Variants in PPFIA2 observed in about 807,000 individuals in gnomAD.
The protein encoded by PPFIA2 is PPFI scaffold protein A2, also known as liprin-alpha-2.
PPFIA2 carries 46 observed loss-of-function variants against 175.5 expected under a neutral mutation model. That is an observed-to-expected ratio of 0.26 (90% CI 0.21 to 0.34). The LOEUF is 0.34. PPFIA2 is among the 10% of genes least tolerant of loss of function. The pLI is 1.00. For missense variants in PPFIA2, 1,179 were observed against 1,506.1 expected (o/e 0.78, Z 3.60); for synonymous variants, 568 against 511.4 (o/e 1.11, Z -1.49).
intron 8 of PPFIA2, among the ~76,000 whole-genome samples, chr12:81,398,185 G>T (rs753487604): frequency 6.2e-4 from 95 of 152,002 alleles, no homozygotes; most frequent in East Asian, 5.8e-4. Flanking sequence ...AAAACTTTGG[G>T]GACCATTGGA....
chr12:81,486,516 A>G (rs1260014381), intron 4 of PPFIA2, among the ~76,000 whole-genome samples: 1 of 151,942 alleles, frequency 6.6e-6, no homozygotes, highest in African/African-American at 2.4e-5. Flanking sequence ...CTTAGGAAAA[A>G]ATTCTATTTA....
chr12:81,371,907 AC>A lies in PPFIA2; in HGVS notation c.1267-2714del, dbSNP rs1413460688. Among the ~76,000 whole-genome samples the A allele has an allele frequency of 2.8e-5, 4 of 143,682 alleles. No homozygotes were observed. In the South Asian group the frequency reaches 9.0e-4, roughly 32 times the overall value. 94.3% of individuals were successfully genotyped at this position (143,682 alleles called of 152,430 possible). The stretch of plus-strand genomic sequence containing the variant: ...AAGCTTTGCCTATACACACACACAC[AC>A]AAACACACACACACACACAAACACA... On this transcript the variant is annotated intron_variant, in intron 11 of 32. Coordinates refer to ENST00000549396, the MANE Select transcript of PPFIA2 (RefSeq NM_003625.5).
chr12:81,607,328 A>G (rs1218970800), intron 4 of PPFIA2, among the ~76,000 whole-genome samples: 1 of 152,070 alleles, frequency 6.6e-6, no homozygotes, highest in Non-Finnish European at 1.5e-5. Flanking sequence ...GTTTTCTCTA[A>G]TTCTGTGAAG....
intron 4 of PPFIA2, among the ~76,000 whole-genome samples, chr12:81,625,051 C>A (rs2062531913): frequency 6.6e-6 from 1 of 151,644 alleles, no homozygotes; most frequent in Non-Finnish European, 1.5e-5. Context: ...ACTACGATCC[C>A]TAAATAAACT....
chr12:81,326,657 A>G (rs1226659197), intron 21 of PPFIA2, among the ~76,000 whole-genome samples: 1 of 152,266 alleles, frequency 6.6e-6, no homozygotes, highest in East Asian at 1.9e-4. Flanking sequence ...GATGTACATT[A>G]AACACATATC....
At chr12:81,758,605 T>A (rs1009851054) in intron 1 of PPFIA2, 98 bp from the exon 2 acceptor site, 1 of 351,962 alleles carries the variant, frequency 2.8e-6, no homozygotes, top group African/African-American at 2.1e-5. Context: ...GCTCGGCATC[T>A]TCCCGTGGCT....
chr12:81,343,601 T>A (rs973688100), intron 19 of PPFIA2, among the ~76,000 whole-genome samples: 2 of 152,086 alleles, frequency 1.3e-5, no homozygotes, highest in Non-Finnish European at 2.9e-5. Context: ...CTACCACATC[T>A]CGAAGATGCT....
chr12:81,369,324 C>A, intron 11 of PPFIA2, 130 bp from the exon 12 acceptor site: 2 of 1,509,920 alleles, frequency 1.3e-6, no homozygotes, highest in Non-Finnish European at 1.8e-6. Flanking sequence ...AATAAACTTT[C>A]TTCAAACAGG....
In PPFIA2 at chr12:81,567,196, C is replaced by G. The variant is rs372558412; in HGVS notation, c.304-109330G>C. On this transcript the variant is annotated intron_variant, in intron 4 of 32. Coordinates refer to ENST00000549396, the MANE Select transcript of PPFIA2 (RefSeq NM_003625.5). ...CCGAGTAGCTGGGACCACAGGCACC[C>G]ACCACCATGCCTGGCTAATTTCTTT... Among the ~76,000 whole-genome samples, 547 of 152,210 alleles carry G rather than the reference C, an allele frequency of 3.6e-3. 3 individuals carry two copies. The highest frequency in any genetic ancestry group is 0.012 in the African/African-American group (512 of 41,520).
At chr12:81,449,338 T>C (rs2051953924) in intron 5 of PPFIA2, among the ~76,000 whole-genome samples, 2 of 152,166 alleles carry the variant, frequency 1.3e-5, no homozygotes, top group Admixed American at 1.3e-4. Context: ...CAAATACTTT[T>C]TATTAAAGAG....
intron 22 of PPFIA2, among the ~76,000 whole-genome samples, chr12:81,309,728 T>G (rs575090320): frequency 6.6e-6 from 1 of 152,242 alleles, no homozygotes; most frequent in African/African-American, 2.4e-5. Context: ...ATCTTCAAGC[T>G]TCTCTGAAAT....
intron 7 of PPFIA2, among the ~76,000 whole-genome samples, chr12:81,427,415 G>T (rs139313013): frequency 5.3e-4 from 80 of 152,030 alleles, no homozygotes; most frequent in Non-Finnish European, 1.0e-3. Flanking sequence ...GTGTGGGTTC[G>T]GGGTATTGTT....
intron 7 of PPFIA2, among the ~76,000 whole-genome samples, chr12:81,437,440 A>G (rs972800856): frequency 3.3e-5 from 5 of 152,152 alleles, no homozygotes; most frequent in African/African-American, 4.8e-5. Context: ...CGTGTTAGCC[A>G]GGATGGTCTC....
intron 5 of PPFIA2, among the ~76,000 whole-genome samples, chr12:81,445,996 G>A (rs191887922): frequency 7.9e-5 from 12 of 152,268 alleles, no homozygotes; most frequent in Non-Finnish European, 1.3e-4. Context: ...ATTTCAGTAC[G>A]AATTCAGCAG....
intron 4 of PPFIA2, among the ~76,000 whole-genome samples, chr12:81,595,832 G>T (rs1457960957): frequency 1.3e-5 from 2 of 152,120 alleles, no homozygotes; most frequent in African/African-American, 4.8e-5. Context: ...TGTTTAACGA[G>T]AATATGGAGC....
chr12:81,752,223 A>C (rs2083917747), intron 3 of PPFIA2, among the ~76,000 whole-genome samples: 1 of 152,150 alleles, frequency 6.6e-6, no homozygotes, highest in African/African-American at 2.4e-5. Context: ...AAACTAATGA[A>C]ACACTGTATC....
intron 5 of PPFIA2, among the ~76,000 whole-genome samples, chr12:81,446,781 A>G (rs2051357379): frequency 6.6e-6 from 1 of 152,118 alleles, no homozygotes; most frequent in Non-Finnish European, 1.5e-5. Context: ...TTTTCAAGAT[A>G]TTTTCTAAAA....
Position 81,665,152 on chromosome 12 carries a change from G to A in PPFIA2, c.303+11639C>T, listed in dbSNP as rs1042463819. Among the ~76,000 whole-genome samples, 4 of 151,882 alleles carry A rather than the reference G, an allele frequency of 2.6e-5. No homozygotes were observed. In the South Asian group the frequency reaches 6.2e-4, roughly 24 times the overall value. On this transcript the variant is annotated intron_variant, in intron 4 of 32. Coordinates refer to ENST00000549396, the MANE Select transcript of PPFIA2 (RefSeq NM_003625.5). The stretch of plus-strand genomic sequence containing the variant: ...GTATACATATGTAACAAACCTGCAC[G>A]TTGTGCACATGTACCCTAAAACTTC...
chr12:81,365,984 CCCTTCCTTCCTTCCTTCCTTCCTT>C (rs1227188576), intron 14 of PPFIA2, among the ~76,000 whole-genome samples: 1 of 42,052 alleles, frequency 2.4e-5, no homozygotes, highest in Non-Finnish European at 4.0e-5. Flanking sequence ...CTCCCTCCCT[CCCTTCCTTCCTTCCTTCCTTCCTT>C]CCTTCCTTCC....
Sources: allele counts gnomAD v4.1 joint callset (sites outside exome capture counted in the v4.1 genomes callset), GRCh38; gene constraint gnomAD v4.1.1; transcripts MANE v1.5; gene names NCBI Gene and HGNC (gene_info 2026-07-23, HGNC 2026-07-21).